SATB1: variants seen among roughly 807,000 people sequenced by gnomAD.
The protein encoded by SATB1 is SATB homeobox 1, also known as DNA-binding protein SATB1.
In SATB1, 11 loss-of-function variants were observed where a neutral mutation model predicts 86.9. That is an observed-to-expected ratio of 0.13 (90% CI 0.08 to 0.21). The LOEUF (loss-of-function observed/expected upper bound fraction) is 0.21. Among genes scored for constraint, SATB1 ranks in the 10% least tolerant of loss-of-function variants. The probability of loss-of-function intolerance (pLI) is 1.00; values close to 1 mark genes in which losing one functional copy is unlikely to be tolerated. For missense variants in SATB1, 551 were observed against 937.6 expected (o/e 0.59, Z 5.39); for synonymous variants, 357 against 357.2 (o/e 1.00, Z 0.01).
chr3:18,362,064 A>G (rs144594513), intron 9 of SATB1, among the ~76,000 whole-genome samples: 5 of 152,196 alleles, frequency 3.3e-5, no homozygotes, highest in Non-Finnish European at 5.9e-5. Flanking sequence ...TAAAAATCTA[A>G]CTTTTCTTGT....
rs904084562 is a variant in SATB1 at position 18,347,685 on chromosome 3, C to T, written c.*1485G>A. ...TGCTAGAGACTGGATTTGTTTTTGT[C>T]GGAGAGTCTTTTGACCATCCTATCT... On this transcript the variant is annotated 3_prime_UTR_variant, in exon 11 of 11. Coordinates refer to ENST00000338745, the MANE Select transcript of SATB1 (RefSeq NM_002971.6). The T allele has an allele frequency of 7.2e-5, 11 of 152,218 alleles. No homozygotes were observed. The highest frequency in any genetic ancestry group is 2.1e-4 in the South Asian group (1 of 4,828). 9.4% of individuals were successfully genotyped at this position (152,218 alleles called of 1,614,324 possible).
chr3:18,440,108 G>A (rs974007984), upstream of SATB1, among the ~76,000 whole-genome samples: 1 of 152,158 alleles, frequency 6.6e-6, no homozygotes, highest in African/African-American at 2.4e-5. Context: ...ATTATCTGAG[G>A]AATCAAATAG....
chr3:18,408,565 T>C (rs1697667962), intron 5 of SATB1: 1 of 152,020 alleles, frequency 6.6e-6, no homozygotes, highest in South Asian at 2.1e-4. Context: ...GGCTCTCCTC[T>C]GTTATGTTAA....
chr3:18,351,111 A>T, intron 10 of SATB1: 1 of 576,882 alleles, frequency 1.7e-6, no homozygotes, highest in Non-Finnish European at 3.1e-6. Context: ...TTCACAGAAG[A>T]GTGTCTTCAG....
At position 18,352,788 on chromosome 3, in the gene SATB1, A is replaced by T. The variant is rs1694434926; in HGVS notation, c.1576-593T>A. ...GAATTTGCTATGAAAGAACTCTCCA[A>T]AGAGAGACACTGGAGTCCTATTTTT... On this transcript the variant is annotated intron_variant, in intron 9 of 10. Coordinates refer to ENST00000338745, the MANE Select transcript of SATB1 (RefSeq NM_002971.6). The surrounding 1 kb of genome is among the most constrained non-coding windows in gnomAD (Gnocchi z 4.1). The T allele has an allele frequency of 6.5e-6, 1 of 152,858 alleles. No individual in the cohort carries two copies. Among genetic ancestry groups the T allele is most frequent in the Admixed American group, 6.5e-5 (1 of 15,414 alleles). The allele number at this position is 152,858 out of a possible 1,614,324, so 9.5% of individuals were successfully genotyped here.
In SATB1 at chr3:18,422,180, C is replaced by T. The variant is rs191002685; in HGVS notation, c.-24-1189G>A. 1.1e-4 allele frequency among the ~76,000 whole-genome samples: 16 copies of T among 152,220 alleles called. No individual in the cohort carries two copies. In the East Asian group the frequency reaches 2.9e-3, roughly 28 times the overall value. ...TTAGGAAAACCAGAGAGAATAATTA[C>T]CATTTTTCCTAGCTGTCTAGTAATT... On this transcript the variant is annotated intron_variant, in intron 1 of 10. Transcript: ENST00000338745.
At position 18,352,702 on chromosome 3, in the gene SATB1, C is replaced by T. The variant is rs1237845635; in HGVS notation, c.1576-507G>A. 1 of 157,656 alleles carries T rather than the reference C, an allele frequency of 6.3e-6. No homozygotes were observed. Among genetic ancestry groups the T allele is most frequent in the Non-Finnish European group, 1.4e-5 (1 of 71,074 alleles). The allele number at this position is 157,656 out of a possible 1,614,324, so 9.8% of individuals were successfully genotyped here. ...ATGTATGAAACAGAAAGGACAGGTG[C>T]AATTACACCAGCAAGAATGTTTTCC... On this transcript the variant is annotated intron_variant, in intron 9 of 10. Transcript: ENST00000338745. This position sits in a 1 kb window ranked among gnomAD's most constrained non-coding sequence, Gnocchi z 4.1.
upstream of SATB1, among the ~76,000 whole-genome samples, chr3:18,428,076 T>A (rs369372166): frequency 2.0e-5 from 3 of 152,192 alleles, no homozygotes; most frequent in East Asian, 5.8e-4. Context: ...TGTTTTCTGT[T>A]CCTTATAACA....
intron 1 of SATB1, chr3:18,445,089 C>A: frequency 2.1e-6 from 1 of 479,618 alleles, no homozygotes; most frequent in Non-Finnish European, 2.7e-6. Flanking sequence ...GCGCTTCGGA[C>A]CGGGCACGCT....
chr3:18,351,294 G>T, intron 10 of SATB1: 2 of 1,536,050 alleles, frequency 1.3e-6, no homozygotes, highest in South Asian at 1.2e-5. Context: ...TGGTGGCATA[G>T]GTAACTGTGC....
At chr3:18,385,349 G>A (rs151203672) in intron 8 of SATB1, among the ~76,000 whole-genome samples, 1,739 of 152,264 alleles carry the variant, frequency 0.011, 15 homozygotes, top group Non-Finnish European at 0.017. Context: ...GCAGCCGGGC[G>A]CGGTGGCTCA....
intron 10 of SATB1, chr3:18,351,086 A>C: frequency 1.9e-6 from 1 of 533,050 alleles, no homozygotes; most frequent in Non-Finnish European, 3.4e-6. Flanking sequence ...TGATCCCAGA[A>C]CTTTTCCATC....
chr3:18,426,410 G>A (rs924031842), upstream of SATB1, among the ~76,000 whole-genome samples: 1 of 152,110 alleles, frequency 6.6e-6, no homozygotes, highest in Non-Finnish European at 1.5e-5. The surrounding 1 kb of genome is among the most constrained non-coding windows in gnomAD (Gnocchi z 4.2). Flanking sequence ...AATAATTTAC[G>A]CTAGGCAAAA....
intron 3 of SATB1, 59 bp downstream of exon 3, chr3:18,416,843 C>CT: frequency 6.9e-7 from 1 of 1,449,862 alleles, no homozygotes; most frequent in Non-Finnish European, 9.4e-7. Flanking sequence ...AGTGCTTTCT[C>CT]TGCAAGGTAA....
At chr3:18,421,135 T>C in intron 1 of SATB1, 144 bp from the exon 2 acceptor site, 2 of 602,102 alleles carry the variant, frequency 3.3e-6, no homozygotes. Flanking sequence ...ATGATACAGA[T>C]GTTACTATAT....
At position 18,349,804 on chromosome 3, in the gene SATB1, T is replaced by C; in HGVS notation, c.1780-122A>G. The C allele has an allele frequency of 2.8e-6, 4 of 1,432,220 alleles. No individual in the cohort carries two copies. Among genetic ancestry groups the C allele is most frequent in the Non-Finnish European group, 1.8e-6 (2 of 1,095,452 alleles). The allele number at this position is 1,432,220 out of a possible 1,614,324, so 88.7% of individuals were successfully genotyped here. ...ATAGCTTCTTTGATAGGGATGAAGA[T>C]TTAGAAAGAAAAGGTAGGCCGGCGA... is the stretch of plus-strand genomic sequence containing the variant. On this transcript the variant is annotated intron_variant, in intron 10 of 10. Coordinates refer to ENST00000338745, the MANE Select transcript of SATB1 (RefSeq NM_002971.6). The surrounding 1 kb of genome is among the most constrained non-coding windows in gnomAD (Gnocchi z 5.5).
intron 2 of SATB1, among the ~76,000 whole-genome samples, chr3:18,431,515 C>A: frequency 6.6e-6 from 1 of 152,188 alleles, no homozygotes; most frequent in Non-Finnish European, 1.5e-5. Context: ...TCCAGATGTC[C>A]AGGCTGAACC....
intron 6 of SATB1, 90 bp downstream of exon 6, chr3:18,397,089 C>G: frequency 1.3e-6 from 1 of 775,706 alleles, no homozygotes; most frequent in Non-Finnish European, 2.3e-6. Flanking sequence ...ATTGGGCAAT[C>G]AAAAGACCTG....
chr3:18,411,696 G>A lies in SATB1; in HGVS notation c.639+3415C>T, dbSNP rs58983721. The stretch of plus-strand genomic sequence containing the variant: ...TCCAACTTATCTAACCACATCCACC[G>A]AAAAAAACAAAAGTAACAACAAAAC... On this transcript the variant is annotated intron_variant, in intron 5 of 10. Coordinates refer to ENST00000338745, the MANE Select transcript of SATB1 (RefSeq NM_002971.6). Among the ~76,000 whole-genome samples, 153 of 151,474 alleles carry A rather than the reference G, an allele frequency of 1.0e-3. 1 individual carries two copies. The highest frequency in any genetic ancestry group is 3.6e-3 in the African/African-American group (148 of 41,302).
Sources: gnomAD v4.1 joint callset for allele counts (sites outside exome capture counted in the v4.1 genomes callset) on GRCh38, gnomAD v4.1.1 for gene constraint, Gnocchi (gnomAD v3.1) non-coding constraint, MANE v1.5 for transcripts, NCBI Gene and HGNC (gene_info 2026-07-23, HGNC 2026-07-21) for gene names.